TTC17: variants seen among roughly 807,000 people sequenced by gnomAD.
The protein encoded by TTC17 is tetratricopeptide repeat protein 17.
A neutral mutation model predicts 143.8 loss-of-function variants in TTC17; 58 were observed. The observed-to-expected ratio is 0.40, with a 90% CI of 0.33 to 0.50. The LOEUF is 0.50. Among genes scored for constraint, TTC17 ranks in the 20% least tolerant of loss-of-function variants. The pLI is 0.49. For synonymous variants in TTC17, 501 were observed against 497.8 expected (o/e 1.01, Z -0.09); for missense variants, 1,273 against 1,392.5 (o/e 0.91, Z 1.37).
intron 21 of TTC17, among the ~76,000 whole-genome samples, chr11:43,487,705 G>C (rs1324826296): frequency 1.3e-5 from 2 of 152,204 alleles, no homozygotes; most frequent in Non-Finnish European, 2.9e-5. Flanking sequence ...AGGGCCACTA[G>C]AACAAAATGC....
chr11:43,396,195 A>G (rs765679045), intron 5 of TTC17: 3 of 148,910 alleles, frequency 2.0e-5, no homozygotes, highest in African/African-American at 7.4e-5. Context: ...CACATTTTAC[A>G]TACTTCTTAG....
chr11:43,478,005 A>G (rs1115492), intron 21 of TTC17, among the ~76,000 whole-genome samples: 14,041 of 152,140 alleles, frequency 0.092, 800 homozygotes, highest in Middle Eastern at 0.16. Context: ...AGAAGTACAC[A>G]CCTATAAAGT....
intron 21 of TTC17, among the ~76,000 whole-genome samples, chr11:43,488,688 A>G (rs1948420563): frequency 1.3e-5 from 2 of 151,996 alleles, no homozygotes; most frequent in African/African-American, 4.8e-5. Flanking sequence ...GAAATGGTGA[A>G]ATATTTATTT....
intron 16 of TTC17, among the ~76,000 whole-genome samples, chr11:43,437,884 A>G (rs1947326937): frequency 1.3e-5 from 2 of 152,312 alleles, no homozygotes; most frequent in Non-Finnish European, 2.9e-5. Flanking sequence ...TTCTCTTGCT[A>G]TAGTGACCCA....
intron 1 of TTC17, among the ~76,000 whole-genome samples, chr11:43,362,311 G>A (rs1214994604): frequency 6.6e-6 from 1 of 152,102 alleles, no homozygotes; most frequent in Non-Finnish European, 1.5e-5. Context: ...GAGCCGCTGT[G>A]CCCGGCCATT....
chr11:43,361,500 G>T (rs879803420), intron 1 of TTC17, among the ~76,000 whole-genome samples: 2 of 152,086 alleles, frequency 1.3e-5, no homozygotes, highest in African/African-American at 2.4e-5. Flanking sequence ...AGCCAAATTT[G>T]GGCAAAATCA....
chr11:43,493,517 AC>A (rs912279594), intron 23 of TTC17, among the ~76,000 whole-genome samples: 1 of 151,942 alleles, frequency 6.6e-6, no homozygotes, highest in Non-Finnish European at 1.5e-5. Flanking sequence ...AAGCTGCTCT[AC>A]CCCTTTTCCT....
At chr11:43,373,254 G>A (rs1171810329) in intron 1 of TTC17, among the ~76,000 whole-genome samples, 1 of 151,824 alleles carries the variant, frequency 6.6e-6, no homozygotes, top group Non-Finnish European at 1.5e-5. Context: ...CAACATAACT[G>A]CTCAGAAGTA....
In TTC17 at chr11:43,397,597, G is replaced by A. The variant is rs1157358026; in HGVS notation, c.918+106G>A. On this transcript the variant is annotated intron_variant, in intron 7 of 23. Transcript: ENST00000039989. ...GTTACTTTTTTCCATTCCTTTTTTG[G>A]TCTGAACGATGGAAATGAAATTAGG... The A allele has an allele frequency of 4.9e-5, 62 of 1,268,244 alleles. No homozygotes were observed. In the East Asian group the frequency reaches 1.4e-3, roughly 28 times the overall value. The allele number at this position is 1,268,244 out of a possible 1,614,324, so 78.6% of individuals were successfully genotyped here. A position where few individuals can be genotyped will look rare whatever the true frequency, so the allele number is the denominator to read the frequency against.
chr11:43,409,110 C>G (rs1343567067), intron 15 of TTC17, among the ~76,000 whole-genome samples: 2 of 152,122 alleles, frequency 1.3e-5, no homozygotes, highest in Non-Finnish European at 2.9e-5. Flanking sequence ...AGCATGTCTT[C>G]TATACAAATA....
At chr11:43,465,755 A>AG (rs1253339180) in intron 21 of TTC17, among the ~76,000 whole-genome samples, 1 of 152,198 alleles carries the variant, frequency 6.6e-6, no homozygotes, top group East Asian at 1.9e-4. Flanking sequence ...ATGAAGTTGG[A>AG]CCCTTACCTT....
chr11:43,408,323 G>A (rs533234045), intron 15 of TTC17, among the ~76,000 whole-genome samples: 1 of 152,282 alleles, frequency 6.6e-6, no homozygotes, highest in Non-Finnish European at 1.5e-5. Context: ...GATTTTTTAA[G>A]GATGAGAAGA....
At chr11:43,485,295 T>C (rs968799692) in intron 21 of TTC17, among the ~76,000 whole-genome samples, 1 of 152,140 alleles carries the variant, frequency 6.6e-6, no homozygotes, top group Non-Finnish European at 1.5e-5. Flanking sequence ...ATTCAGGAAC[T>C]GTACTGGGGC....
rs138517288 is a variant in TTC17 at position 43,449,966 on chromosome 11, A to C, written c.2787-116A>C. On this transcript the variant is annotated intron_variant, in intron 19 of 23. Transcript: ENST00000039989. ...TTAAAATCAGGGGATAGCATGTTGA[A>C]GCTATGATGAGCTGATTGTTAATGC... The C allele has an allele frequency of 3.9e-5, 44 of 1,136,910 alleles. No homozygotes were observed. The African/African-American group carries it at 6.5e-4, about 17-fold the overall frequency. 70.4% of individuals were successfully genotyped at this position (1,136,910 alleles called of 1,614,324 possible).
At position 43,490,285 on chromosome 11, in the gene TTC17, G is replaced by T; in HGVS notation, c.3077G>T (p.Arg1026Met). 6.2e-7 allele frequency: 1 copy of T among 1,613,202 alleles called. No individual in the cohort carries two copies. The highest frequency in any genetic ancestry group is 1.1e-5 in the South Asian group (1 of 90,792). The change falls in exon 22 of 24, where the codon AGG becomes ATG. Residue 1026 changes from arginine to methionine, a missense_variant. Coordinates refer to ENST00000039989, the MANE Select transcript of TTC17 (RefSeq NM_018259.6). ...VLSSMAALYWRVKGQGKKAID... is the reference protein window; with the variant it reads ...VLSSMAALYWMVKGQGKKAID... ...TCCAGCATGGCAGCCCTCTACTGGA[G>T]GGTGAAAGGCCAAGGAAAGAAGGCA...
At chr11:43,485,294 C>T (rs1268013910) in intron 21 of TTC17, among the ~76,000 whole-genome samples, 2 of 152,066 alleles carry the variant, frequency 1.3e-5, no homozygotes, top group African/African-American at 4.8e-5. Context: ...TATTCAGGAA[C>T]TGTACTGGGG....
At chr11:43,456,304 A>G (rs563888315) in intron 21 of TTC17, among the ~76,000 whole-genome samples, 1 of 152,204 alleles carries the variant, frequency 6.6e-6, no homozygotes, top group East Asian at 1.9e-4. Context: ...CACTCTATCT[A>G]CTACTACTCA....
chr11:43,481,571 T>A (rs1948287761), intron 21 of TTC17, among the ~76,000 whole-genome samples: 1 of 152,218 alleles, frequency 6.6e-6, no homozygotes. Flanking sequence ...CTAGGGCTAT[T>A]CAAATTATCT....
In TTC17 at chr11:43,443,233, A is replaced by G. The variant is rs766696900; in HGVS notation, c.2252-92A>G. ...TATAGTAGTGCCTCTAAGCAGAGCC[A>G]AAACGTTTCTCCAAAAGCAGGGTTG... On this transcript the variant is annotated intron_variant, in intron 16 of 23. Coordinates refer to ENST00000039989, the MANE Select transcript of TTC17 (RefSeq NM_018259.6). 3.4e-4 allele frequency: 504 copies of G among 1,500,718 alleles called. 1 individual carries two copies. The highest frequency in any genetic ancestry group is 4.4e-4 in the Non-Finnish European group (485 of 1,111,536). The allele number at this position is 1,500,718 out of a possible 1,614,324, so 93.0% of individuals were successfully genotyped here. A position where few individuals can be genotyped will look rare whatever the true frequency, so the allele number is the denominator to read the frequency against.
Sources: allele counts gnomAD v4.1 joint callset (sites outside exome capture counted in the v4.1 genomes callset), GRCh38; gene constraint gnomAD v4.1.1; transcripts MANE v1.5; gene names NCBI Gene and HGNC (gene_info 2026-07-23, HGNC 2026-07-21).